Variants in TMEM182 observed in about 807,000 individuals in gnomAD.
The protein encoded by TMEM182 is transmembrane protein 182.
In TMEM182, 20 loss-of-function variants were observed where a neutral mutation model predicts 26.8. The ratio of observed to expected loss-of-function variants is 0.75; its 90% CI spans 0.53 to 1.09. The LOEUF (loss-of-function observed/expected upper bound fraction) is 1.09. TMEM182 is among the 50% of genes least tolerant of loss of function. The pLI, the probability that TMEM182 is intolerant of heterozygous loss-of-function variation, is 0.00. For missense variants in TMEM182, 277 were observed against 275.5 expected (o/e 1.01, Z -0.04); for synonymous variants, 109 against 102.2 (o/e 1.07, Z -0.40).
At chr2:102,744,589 G>C (rs1679636282) in intron 1 of TMEM182, among the ~76,000 whole-genome samples, 2 of 152,074 alleles carry the variant, frequency 1.3e-5, no homozygotes, top group African/African-American at 4.8e-5. Context: ...TTCTTATAGA[G>C]CAGATCTTCT....
chr2:102,842,599 A>T (rs796580183), intron 3 of TMEM182, among the ~76,000 whole-genome samples: 16 of 152,310 alleles, frequency 1.1e-4, no homozygotes, highest in African/African-American at 3.8e-4. Context: ...TCCCTGTCAC[A>T]TACATCTCTG....
rs184457211 is a variant in TMEM182, at chr2:102,809,965, C to A, written c.470-4783C>A. On this transcript the variant is annotated intron_variant, in intron 4 of 4. Transcript: ENST00000412401. ...CCTCTGCATTTGTGTGGAAGCATGA[C>A]TAAAGGAGGCCATTGAATCATCTCG... 6.6e-5 allele frequency among the ~76,000 whole-genome samples: 10 copies of A among 152,286 alleles called. No individual in the cohort carries two copies. The South Asian group carries it at 2.1e-3, about 32-fold the overall frequency.
intron 3 of TMEM182, among the ~76,000 whole-genome samples, chr2:102,837,236 T>C (rs182077979): frequency 1.3e-5 from 2 of 150,772 alleles, no homozygotes; most frequent in East Asian, 3.9e-4. Context: ...AGTTTGTGGG[T>C]TTTTTTTTGT....
chr2:102,803,605 C>T (rs961934539), intron 4 of TMEM182, among the ~76,000 whole-genome samples: 3 of 152,152 alleles, frequency 2.0e-5, no homozygotes, highest in Admixed American at 1.3e-4. Flanking sequence ...ATACATAATA[C>T]GTAATTCAGG....
intron 3 of TMEM182, among the ~76,000 whole-genome samples, chr2:102,774,656 A>C (rs1449930818): frequency 6.6e-6 from 1 of 151,680 alleles, no homozygotes; most frequent in African/African-American, 2.4e-5. Flanking sequence ...TGTGAGTCTC[A>C]CTCTTTTTTT....
At chr2:102,747,747 T>C (rs1679746511) in intron 1 of TMEM182, among the ~76,000 whole-genome samples, 1 of 152,240 alleles carries the variant, frequency 6.6e-6, no homozygotes, top group Non-Finnish European at 1.5e-5. Flanking sequence ...CAGATTTGTC[T>C]GTGACAGAGT....
intron 3 of TMEM182, among the ~76,000 whole-genome samples, chr2:102,773,862 A>G (rs1238656044): frequency 1.3e-5 from 2 of 152,148 alleles, no homozygotes; most frequent in Admixed American, 6.6e-5. Context: ...TTTAACTACC[A>G]TAAGGGAATC....
upstream of TMEM182, among the ~76,000 whole-genome samples, chr2:102,761,710 T>G (rs890253280): frequency 6.6e-6 from 1 of 152,258 alleles, no homozygotes; most frequent in African/African-American, 2.4e-5. Flanking sequence ...GTGATTTATA[T>G]ATCTTCAAAG....
chr2:102,834,554 T>C, intron 3 of TMEM182: 1 of 478,318 alleles, frequency 2.1e-6, no homozygotes, highest in Non-Finnish European at 2.7e-6. Context: ...CATGAGAGTG[T>C]TATTGCTACA....
rs548437784 is a variant in TMEM182 at position 102,825,702 on chromosome 2, C to T, written c.326-17710C>T. ...ATAAAATGTGCTCCCTAAATTGCCA[C>T]TGAATGAAAGTCAAGAGAAGATTCA... On this transcript the variant is annotated intron_variant, in intron 3 of 3. Coordinates refer to the TMEM182 transcript ENST00000486293. Among the ~76,000 whole-genome samples the T allele has an allele frequency of 4.6e-5, 7 of 152,320 alleles. No homozygotes were observed. In the South Asian group the frequency reaches 1.4e-3, roughly 32 times the overall value.
At chr2:102,754,340 C>G (rs1679971124) in intron 1 of TMEM182, among the ~76,000 whole-genome samples, 1 of 152,130 alleles carries the variant, frequency 6.6e-6, no homozygotes, top group African/African-American at 2.4e-5. Flanking sequence ...GTATTTATGC[C>G]ATAAAATATA....
chr2:102,822,340 A>G (rs1394109553), downstream of TMEM182, among the ~76,000 whole-genome samples: 2 of 152,140 alleles, frequency 1.3e-5, no homozygotes, highest in African/African-American at 2.4e-5. Flanking sequence ...TCAGAAATAG[A>G]CAATGAAGAA....
chr2:102,766,035 T>C (rs922345422), intron 3 of TMEM182, among the ~76,000 whole-genome samples: 1 of 152,206 alleles, frequency 6.6e-6, no homozygotes, highest in Non-Finnish European at 1.5e-5. Context: ...CTTACTTTTA[T>C]AAAATGAACT....
At position 102,817,181 on chromosome 2, in the gene TMEM182, T is replaced by A. The variant is rs1682785714; in HGVS notation, c.*2213T>A. The stretch of plus-strand genomic sequence containing the variant: ...ATGGCAGAGTTATATAGTACATTAT[T>A]GTAGCAACCTTATATCTGATTTGAG... On this transcript the variant is annotated 3_prime_UTR_variant, in exon 5 of 5. Coordinates refer to ENST00000412401, the MANE Select transcript of TMEM182 (RefSeq NM_144632.5). The A allele has an allele frequency of 1.0e-6, 1 of 985,262 alleles. No homozygotes were observed. The highest frequency in any genetic ancestry group is 1.2e-6 in the Non-Finnish European group (1 of 829,862). The allele number at this position is 985,262 out of a possible 1,614,324, so 61.0% of individuals were successfully genotyped here. A position where few individuals can be genotyped will look rare whatever the true frequency, so the allele number is the denominator to read the frequency against.
At chr2:102,749,638 G>T (rs1193175102) in intron 1 of TMEM182, among the ~76,000 whole-genome samples, 2 of 152,190 alleles carry the variant, frequency 1.3e-5, no homozygotes, top group East Asian at 1.9e-4. Flanking sequence ...CAATCATCTG[G>T]TGTGAAACAA....
chr2:102,796,913 T>C (rs1681891898), intron 3 of TMEM182, among the ~76,000 whole-genome samples: 1 of 152,234 alleles, frequency 6.6e-6, no homozygotes, highest in Non-Finnish European at 1.5e-5. Flanking sequence ...TATCAAGTTG[T>C]ATATTTTCTT....
chr2:102,773,201 C>CA (rs376559499), intron 3 of TMEM182, among the ~76,000 whole-genome samples: 40 of 144,880 alleles, frequency 2.8e-4, no homozygotes, highest in Admixed American at 1.5e-3. Context: ...AACAGTAGTC[C>CA]AAAAAAAAAA....
intron 3 of TMEM182, among the ~76,000 whole-genome samples, chr2:102,793,407 C>T (rs1405321027): frequency 6.6e-6 from 1 of 152,098 alleles, no homozygotes; most frequent in Non-Finnish European, 1.5e-5. Flanking sequence ...GTCTACTTTG[C>T]CCAAACATGA....
chr2:102,741,055 C>G (rs1679526204), intron 1 of TMEM182, among the ~76,000 whole-genome samples: 1 of 152,128 alleles, frequency 6.6e-6, no homozygotes, highest in Non-Finnish European at 1.5e-5. Context: ...GTTGCCACTT[C>G]CATTATTAAA....
Sources: allele counts gnomAD v4.1 joint callset (sites outside exome capture counted in the v4.1 genomes callset), GRCh38; gene constraint gnomAD v4.1.1; transcripts MANE v1.5; gene names NCBI Gene and HGNC (gene_info 2026-07-23, HGNC 2026-07-21).